The following RFFL variants were observed in gnomAD, a reference collection of about 807,000 sequenced individuals.
The protein encoded by RFFL is ring finger and FYVE like domain containing E3 ubiquitin protein ligase, also known as E3 ubiquitin-protein ligase rififylin.
A neutral mutation model predicts 40.4 loss-of-function variants in RFFL; 16 were observed. That is an observed-to-expected ratio of 0.40 (90% CI 0.27 to 0.60). The LOEUF (loss-of-function observed/expected upper bound fraction) is 0.60. Ranked by LOEUF, RFFL falls within the 20% of genes least tolerant of loss-of-function variation. RFFL has a pLI of 0.47. For missense variants in RFFL, 367 were observed against 451.7 expected (o/e 0.81, Z 1.70); for synonymous variants, 154 against 167.9 (o/e 0.92, Z 0.64).
chr17:35,079,357 A>C (rs946434574), intron 1 of RFFL, among the ~76,000 whole-genome samples: 1 of 152,210 alleles, frequency 6.6e-6, no homozygotes, highest in African/African-American at 2.4e-5. Context: ...ACATAAGGAG[A>C]AAGATTTCAG....
intron 1 of RFFL, among the ~76,000 whole-genome samples, chr17:35,057,539 T>A (rs985491094): frequency 3.3e-5 from 5 of 151,232 alleles, no homozygotes; most frequent in African/African-American, 9.7e-5. Flanking sequence ...CAGGTATTTG[T>A]GAAAGGAACA....
At chr17:35,074,243 T>C (rs2091365075) in intron 1 of RFFL, 1 of 152,186 alleles carries the variant, frequency 6.6e-6, no homozygotes, top group Admixed American at 6.6e-5. Context: ...TTTCATTTTT[T>C]CCACCATCTC....
At chr17:35,047,356 T>C (rs1201301856) in intron 1 of RFFL, among the ~76,000 whole-genome samples, 3 of 152,214 alleles carry the variant, frequency 2.0e-5, no homozygotes, top group Admixed American at 6.5e-5. Flanking sequence ...TACCATGGTA[T>C]AGAATGAATT....
intron 1 of RFFL, among the ~76,000 whole-genome samples, chr17:35,082,108 T>C (rs2091405465): frequency 6.6e-6 from 1 of 152,198 alleles, no homozygotes; most frequent in Admixed American, 6.5e-5. Context: ...GCTGGTATTG[T>C]ACTAATCAGC....
At chr17:35,071,953 G>A (rs34302500) in intron 1 of RFFL, among the ~76,000 whole-genome samples, 3,821 of 152,194 alleles carry the variant, frequency 0.025, 163 homozygotes, top group African/African-American at 0.086. Context: ...TTCAAGACCA[G>A]CCTGGGAAAC....
chr17:35,041,792 G>A lies in RFFL; in HGVS notation c.-8-15231C>T, dbSNP rs150150928. Among the ~76,000 whole-genome samples, 505 of 152,216 alleles carry A rather than the reference G, an allele frequency of 3.3e-3. 1 individual carries two copies. Among genetic ancestry groups the A allele is most frequent in the African/African-American group, 0.012 (481 of 41,528 alleles). On this transcript the variant is annotated intron_variant, in intron 1 of 6. Coordinates refer to ENST00000394597, the MANE Select transcript of RFFL (RefSeq NM_001017368.2). ...AGCACTCTGGGAGGCCAAGGCAGGC[G>A]GATCAGTTGAGGTCAGGAGTTCAAG...
chr17:35,073,339 T>G (rs1368910751), intron 1 of RFFL, among the ~76,000 whole-genome samples: 1 of 152,138 alleles, frequency 6.6e-6, no homozygotes, highest in Non-Finnish European at 1.5e-5. Context: ...TCACTGCAAT[T>G]TTAGCTCAGC....
At chr17:35,083,589 T>C (rs1178165589) in intron 1 of RFFL, among the ~76,000 whole-genome samples, 1 of 151,818 alleles carries the variant, frequency 6.6e-6, no homozygotes, top group South Asian at 2.1e-4. Flanking sequence ...GAGACCAGCA[T>C]GGCCAACATG....
chr17:35,080,015 G>A (rs1031080114), intron 1 of RFFL, among the ~76,000 whole-genome samples: 2 of 151,960 alleles, frequency 1.3e-5, no homozygotes, highest in Admixed American at 1.3e-4. Flanking sequence ...CATAATTTTA[G>A]CCCCTAACTA....
chr17:35,060,476 T>C (rs981468223), intron 1 of RFFL, among the ~76,000 whole-genome samples: 1 of 152,224 alleles, frequency 6.6e-6, no homozygotes, highest in Non-Finnish European at 1.5e-5. Flanking sequence ...CCTAAATGTA[T>C]ATATGCTTTG....
rs569883675 is a variant in RFFL at position 35,015,987 on chromosome 17, C to A, written c.886+383G>T. On this transcript the variant is annotated intron_variant, in intron 5 of 6. Coordinates refer to ENST00000394597, the MANE Select transcript of RFFL (RefSeq NM_001017368.2). ...GTATGTAGATTCACTTTCTACCTCC[C>A]AAATCTTCAGAACAAGCATTCTTAT... is the stretch of plus-strand genomic sequence containing the variant. 1.1e-4 allele frequency among the ~76,000 whole-genome samples: 16 copies of A among 152,292 alleles called. No individual in the cohort carries two copies. The East Asian group carries it at 3.1e-3, about 29-fold the overall frequency.
Position 35,009,191 on chromosome 17 carries a change from A to T in RFFL, c.*2777T>A, listed in dbSNP as rs2090918496. The T allele has an allele frequency of 6.6e-6, 1 of 152,650 alleles. No individual in the cohort carries two copies. 9.5% of individuals were successfully genotyped at this position (152,650 alleles called of 1,614,324 possible). On this transcript the variant is annotated 3_prime_UTR_variant, in exon 7 of 7. Transcript: ENST00000394597. ...ATAATACACATTTGGGTTTGCTTTA[A>T]CCTCCAAGTAAGTCTGAGAAAATCT...
At chr17:35,074,620 T>C (rs1221580389) in intron 1 of RFFL, among the ~76,000 whole-genome samples, 2 of 152,190 alleles carry the variant, frequency 1.3e-5, no homozygotes, top group African/African-American at 4.8e-5. Flanking sequence ...TTCACATTTG[T>C]GGAACACAGA....
In RFFL at chr17:35,008,452, A is replaced by C. The variant is rs1353977005; in HGVS notation, c.*3516T>G. 2.0e-5 allele frequency: 3 copies of C among 149,324 alleles called. No homozygotes were observed. Among genetic ancestry groups the C allele is most frequent in the African/African-American group, 7.4e-5 (3 of 40,544 alleles). 9.2% of individuals were successfully genotyped at this position (149,324 alleles called of 1,614,324 possible). ...CAGTTGTCAATTTTTTTTTTTTTTTAATACAGGGTCTCACTCTGTCACCCT... is the reference window on the plus strand; with the variant it reads ...CAGTTGTCAATTTTTTTTTTTTTTTCATACAGGGTCTCACTCTGTCACCCT... On this transcript the variant is annotated 3_prime_UTR_variant, in exon 7 of 7. Transcript: ENST00000394597.
upstream of RFFL, among the ~76,000 whole-genome samples, chr17:35,068,699 C>G (rs1470413597): frequency 6.6e-6 from 1 of 152,172 alleles, no homozygotes. Flanking sequence ...CAATGAAATA[C>G]TAGGTTCCTG....
At chr17:35,086,839 A>G (rs1417212474) in intron 1 of RFFL, among the ~76,000 whole-genome samples, 1 of 152,216 alleles carries the variant, frequency 6.6e-6, no homozygotes, top group Non-Finnish European at 1.5e-5. Context: ...AGGTTCTATG[A>G]CAAGAATAAA....
intron 1 of RFFL, among the ~76,000 whole-genome samples, chr17:35,075,209 G>A (rs914538204): frequency 6.6e-6 from 1 of 152,190 alleles, no homozygotes; most frequent in South Asian, 2.1e-4. Flanking sequence ...AGTCATCAAG[G>A]AGGAAAGAAA....
intron 6 of RFFL, 37 bp downstream of exon 6, chr17:35,014,703 G>A (rs764409403): frequency 6.6e-5 from 105 of 1,598,634 alleles, no homozygotes; most frequent in Non-Finnish European, 8.7e-5. Flanking sequence ...AGGACAAAAG[G>A]GCCTAAGCCC....
chr17:35,049,798 T>C (rs1394288094), intron 1 of RFFL, among the ~76,000 whole-genome samples: 3 of 152,192 alleles, frequency 2.0e-5, no homozygotes, highest in Non-Finnish European at 4.4e-5. Flanking sequence ...TTTAAAAGAA[T>C]GGGCCAGGTG....
Sources: allele counts gnomAD v4.1 joint callset (sites outside exome capture counted in the v4.1 genomes callset), GRCh38; gene constraint gnomAD v4.1.1; transcripts MANE v1.5; gene names NCBI Gene and HGNC (gene_info 2026-07-23, HGNC 2026-07-21).